The following EDIL3 variants were observed in gnomAD, a reference collection of about 807,000 sequenced individuals.
EDIL3 encodes EGF-like repeat and discoidin I-like domain-containing protein 3.
In EDIL3, 37 loss-of-function variants were observed where a neutral mutation model predicts 67.4. The observed-to-expected ratio is 0.55, with a 90% CI of 0.42 to 0.72. EDIL3 has a LOEUF of 0.72. Among genes scored for constraint, EDIL3 ranks in the 30% least tolerant of loss-of-function variants. The pLI is 0.00. For missense variants in EDIL3, 527 were observed against 586.3 expected (o/e 0.90, Z 1.04); for synonymous variants, 195 against 196.3 (o/e 0.99, Z 0.05).
At chr5:84,272,458 T>G (rs1208320660) in intron 1 of EDIL3, among the ~76,000 whole-genome samples, 1 of 152,160 alleles carries the variant, frequency 6.6e-6, no homozygotes, top group Non-Finnish European at 1.5e-5. Flanking sequence ...TTGATATTAA[T>G]AAGCAATTTA....
intron 9 of EDIL3, among the ~76,000 whole-genome samples, chr5:84,010,914 A>G (rs1275503880): frequency 6.6e-6 from 1 of 152,132 alleles, no homozygotes; most frequent in Non-Finnish European, 1.5e-5. Flanking sequence ...GTACAAAGTA[A>G]ATTCACCCCA....
intron 6 of EDIL3, among the ~76,000 whole-genome samples, chr5:84,075,096 A>C (rs1746825372): frequency 6.6e-6 from 1 of 152,096 alleles, no homozygotes; most frequent in African/African-American, 2.4e-5. Flanking sequence ...AACTATCGCA[A>C]GGACAAAAGA....
rs184789463 is a variant in EDIL3, at chr5:84,354,356, C to T, written c.67+29952G>A. Among the ~76,000 whole-genome samples the T allele has an allele frequency of 5.3e-5, 8 of 152,174 alleles. No homozygotes were observed. The East Asian group carries it at 9.7e-4, about 18-fold the overall frequency. On this transcript the variant is annotated intron_variant, in intron 1 of 10. Coordinates refer to ENST00000296591, the MANE Select transcript of EDIL3 (RefSeq NM_005711.5). ...CGCCATTTGACCATAAATAGCTATCCTATGCAAAGGCATTTTATGGCCAGG... is the reference window on the plus strand; with the variant it reads ...CGCCATTTGACCATAAATAGCTATCTTATGCAAAGGCATTTTATGGCCAGG...
rs114163253 is a variant in EDIL3, at chr5:84,156,477, T to C, written c.356-19123A>G. Among the ~76,000 whole-genome samples the C allele has an allele frequency of 2.4e-3, 367 of 152,260 alleles. 3 individuals are homozygous for C. The highest frequency in any genetic ancestry group is 8.3e-3 in the African/African-American group (344 of 41,568). On this transcript the variant is annotated intron_variant, in intron 4 of 10. Transcript: ENST00000296591. ...CTAGAAATGCCAAAATTCACTGGGGTGCTAATAGTCCCTCTCGCTACTTTT... is the reference window on the plus strand; with the variant it reads ...CTAGAAATGCCAAAATTCACTGGGGCGCTAATAGTCCCTCTCGCTACTTTT...
intron 2 of EDIL3, among the ~76,000 whole-genome samples, chr5:84,235,797 A>G (rs1744671020): frequency 6.6e-6 from 1 of 151,946 alleles, no homozygotes; most frequent in Non-Finnish European, 1.5e-5. Context: ...AATTATATAT[A>G]GTTTCTATAG....
chr5:84,172,539 A>T (rs2112349989), intron 4 of EDIL3, among the ~76,000 whole-genome samples: 1 of 152,182 alleles, frequency 6.6e-6, no homozygotes, highest in Admixed American at 6.5e-5. Flanking sequence ...AGGATTGCAC[A>T]CCACTGCACT....
chr5:84,079,782 C>A (rs1019317134), intron 6 of EDIL3, among the ~76,000 whole-genome samples: 1 of 151,984 alleles, frequency 6.6e-6, no homozygotes, highest in East Asian at 1.9e-4. Flanking sequence ...AAAAAATAAA[C>A]AGACAAGCAT....
intron 3 of EDIL3, among the ~76,000 whole-genome samples, chr5:84,202,876 T>C (rs1743874502): frequency 6.6e-6 from 1 of 152,086 alleles, no homozygotes; most frequent in Admixed American, 6.6e-5. Flanking sequence ...ACCATTCCAC[T>C]GGAAGAAATG....
chr5:84,236,198 T>C (rs1366373392), intron 2 of EDIL3, among the ~76,000 whole-genome samples: 1 of 151,992 alleles, frequency 6.6e-6, no homozygotes, highest in African/African-American at 2.4e-5. Context: ...AAACTAAAAC[T>C]AAACTGAACA....
intron 1 of EDIL3, among the ~76,000 whole-genome samples, chr5:84,291,712 C>A (rs950664527): frequency 2.8e-4 from 38 of 135,502 alleles, no homozygotes; most frequent in African/African-American, 9.9e-4. Context: ...CTATGTAGAT[C>A]TATCTATATA....
At chr5:84,049,186 C>G (rs767618620) in intron 9 of EDIL3, among the ~76,000 whole-genome samples, 16 of 151,996 alleles carry the variant, frequency 1.1e-4, no homozygotes, top group Admixed American at 2.6e-4. Context: ...TGTGCCAATG[C>G]CAATATATAT....
At chr5:84,180,609 A>G in intron 3 of EDIL3, 88 bp from the exon 4 acceptor site, 3 of 1,375,612 alleles carry the variant, frequency 2.2e-6, no homozygotes, top group Non-Finnish European at 2.9e-6. Flanking sequence ...AATTTTACAG[A>G]AAAAAGTGTT....
At chr5:84,134,822 C>T (rs908978364) in intron 5 of EDIL3, among the ~76,000 whole-genome samples, 2 of 152,120 alleles carry the variant, frequency 1.3e-5, no homozygotes, top group East Asian at 1.9e-4. Flanking sequence ...ACGGAGAATA[C>T]AGGAAATGCT....
chr5:84,211,938 G>T (rs146898751), intron 3 of EDIL3, among the ~76,000 whole-genome samples: 6 of 152,292 alleles, frequency 3.9e-5, no homozygotes, highest in Non-Finnish European at 7.4e-5. Flanking sequence ...ATCCAAGAGG[G>T]TATGGTGCCT....
rs576853848 is a variant in EDIL3 at position 84,042,219 on chromosome 5, T to A, written c.1137+18081A>T. On this transcript the variant is annotated intron_variant, in intron 9 of 10. Coordinates refer to ENST00000296591, the MANE Select transcript of EDIL3 (RefSeq NM_005711.5). ...AATATCACTTTGCTTTTTTTTCTTATGATGGGTAACCTTGTACAAAAACCT... is the reference window on the plus strand; with the variant it reads ...AATATCACTTTGCTTTTTTTTCTTAAGATGGGTAACCTTGTACAAAAACCT... 6.6e-5 allele frequency among the ~76,000 whole-genome samples: 10 copies of A among 152,256 alleles called. No individual in the cohort carries two copies. In the East Asian group the frequency reaches 1.7e-3, roughly 26 times the overall value.
rs543266886 is a variant in EDIL3 at position 84,118,863 on chromosome 5, C to T, written c.470-12033G>A. Among the ~76,000 whole-genome samples the T allele has an allele frequency of 4.6e-5, 7 of 152,140 alleles. No homozygotes were observed. In the South Asian group the frequency reaches 1.5e-3, roughly 32 times the overall value. ...ATACAGTACCAATTCAATTAGAATG[C>T]CTTGGGGTACGAGCCAGACATATAT... On this transcript the variant is annotated intron_variant, in intron 5 of 10. Coordinates refer to ENST00000296591, the MANE Select transcript of EDIL3 (RefSeq NM_005711.5).
intron 1 of EDIL3, among the ~76,000 whole-genome samples, chr5:84,371,919 A>C (rs167368): frequency 0.45 from 67,973 of 151,840 alleles, 15,454 homozygotes; most frequent in Middle Eastern, 0.54. Flanking sequence ...CCCAATTCAA[A>C]CTTTCAGTCC....
chr5:84,180,302 A>T, intron 4 of EDIL3, 91 bp downstream of exon 4: 2 of 1,401,752 alleles, frequency 1.4e-6, no homozygotes, highest in Non-Finnish European at 1.9e-6. Context: ...CTGCTCTCAG[A>T]TTCTATGATT....
intron 4 of EDIL3, among the ~76,000 whole-genome samples, chr5:84,152,136 T>C (rs866500558): frequency 3.0e-4 from 45 of 151,892 alleles, no homozygotes; most frequent in African/African-American, 1.0e-3. Context: ...GCCAGGCTGG[T>C]CTTAAACTCT....
Sources: gnomAD v4.1 joint callset for allele counts (sites outside exome capture counted in the v4.1 genomes callset) on GRCh38, gnomAD v4.1.1 for gene constraint, MANE v1.5 for transcripts, NCBI Gene and HGNC (gene_info 2026-07-23, HGNC 2026-07-21) for gene names.